Variants in RAB26 observed in about 807,000 individuals in gnomAD.
RAB26 encodes the protein RAB26, member RAS oncogene family.
Under a neutral mutation model 33.1 loss-of-function variants are expected in RAB26, and 39 were observed. That is an observed-to-expected ratio of 1.18 (90% CI 0.91 to 1.54). The LOEUF (loss-of-function observed/expected upper bound fraction) is 1.54. Ranked by LOEUF, RAB26 falls within the 40% of genes most tolerant of loss-of-function variation. RAB26 has a pLI of 0.00. For missense variants in RAB26, 468 were observed against 362.9 expected, an observed-to-expected ratio of 1.29 and a Z score of -2.35; for synonymous variants, 192 against 151.9, an observed-to-expected ratio of 1.26 and a Z score of -1.94.
chr16:2,151,750 G>A lies in RAB26; in HGVS notation c.404G>A (p.Arg135Gln), dbSNP rs537717170. The change falls in exon 4 of 9, where the codon CGG becomes CAG. Residue 135 changes from arginine to glutamine, a missense_variant. Arg to Gln is a conservative substitution (Grantham distance 43). Coordinates refer to ENST00000210187, the MANE Select transcript of RAB26 (RefSeq NM_014353.5). ...RFRSVTHAYYRDAHALLLLYD... is the reference protein window; with the variant it reads ...RFRSVTHAYYQDAHALLLLYD... Reference sequence around the variant, plus strand: ...CGCAGTGTTACCCATGCCTACTACCGGGATGCTCATGGTGAGCCCCTGGGT... The same window carrying A: ...CGCAGTGTTACCCATGCCTACTACCAGGATGCTCATGGTGAGCCCCTGGGT... 5.6e-6 allele frequency: 9 copies of A among 1,613,946 alleles called. No homozygotes were observed. Among genetic ancestry groups the A allele is most frequent in the Middle Eastern group, 1.6e-4 (1 of 6,062 alleles).
In RAB26 at chr16:2,153,136, C is replaced by T. The variant is rs777496412; in HGVS notation, c.592-10C>T. On this transcript the variant is annotated splice_polypyrimidine_tract_variant and intron_variant, in intron 7 of 8. Transcript: ENST00000210187. ...CAGGCCACCACCTGGCTGGCAGCAG[C>T]TGTTTACAGGAGTATGGACTGCCCT... is the stretch of plus-strand genomic sequence containing the variant. 5.0e-6 allele frequency: 8 copies of T among 1,613,652 alleles called. No homozygotes were observed. The Admixed American group carries it at 1.2e-4, about 24-fold the overall frequency.
rs374839930 is a variant in RAB26, at chr16:2,153,024, G to A, written c.570G>A (p.Glu190=). 1 of 1,602,228 alleles carries A rather than the reference G, an allele frequency of 6.2e-7. No homozygotes were observed. The change falls in exon 7 of 9, where the codon GAG becomes GAA. Residue 190 remains glutamate (E), a synonymous_variant. Transcript: ENST00000210187. ...CCCATGAGCGTGTGGTGAAGAGGGAGGACGGGGAGAAGCTGGCCAAGGTGA... is the reference window on the plus strand; with the variant it reads ...CCCATGAGCGTGTGGTGAAGAGGGAAGACGGGGAGAAGCTGGCCAAGGTGA... ...DSAHERVVKR[E]DGEKLAKEYG...
chr16:2,149,128 G>A, intron 1 of RAB26, 150 bp downstream of exon 1: 4 of 781,260 alleles, frequency 5.1e-6, no homozygotes, highest in African/African-American at 1.8e-5. Context: ...ACGGTGCATC[G>A]TGCACACACA....
Position 2,153,150 on chromosome 16 carries a change from A to G in RAB26, c.596A>G (p.Tyr199Cys). 1 of 1,613,798 alleles carries G rather than the reference A, an allele frequency of 6.2e-7. No individual in the cohort carries two copies. The highest frequency in any genetic ancestry group is 1.6e-4 in the Middle Eastern group (1 of 6,062). Residue 199 changes from tyrosine (Y) to cysteine (C), a missense_variant, in exon 8 of 9, where the codon TAT becomes TGT. Tyr to Cys is a radical substitution (Grantham distance 194). Coordinates refer to ENST00000210187, the MANE Select transcript of RAB26 (RefSeq NM_014353.5). ...REDGEKLAKE[Y>C]GLPFMETSAK... ...GCTGGCAGCAGCTGTTTACAGGAGT[A>G]TGGACTGCCCTTCATGGAGACCAGC... is the stretch of plus-strand genomic sequence containing the variant.
chr16:2,152,434 G>A (rs1166158008), intron 5 of RAB26, among the ~76,000 whole-genome samples: 2 of 152,040 alleles, frequency 1.3e-5, no homozygotes, highest in Non-Finnish European at 2.9e-5. Flanking sequence ...CACCTTGGGA[G>A]GCTGAGGTGG....
chr16:2,151,534 C>G (rs763519789), intron 2 of RAB26, 35 bp from the exon 3 acceptor site: 3 of 1,612,798 alleles, frequency 1.9e-6, no homozygotes, highest in Non-Finnish European at 2.5e-6. Flanking sequence ...CTGGGCTGGG[C>G]CCATGCCAGA....
Position 2,153,415 on chromosome 16 carries a change from C to CCCTTGAACCTGG in RAB26, c.767_*7dup. 6.2e-7 allele frequency: 1 copy of CCCTTGAACCTGG among 1,613,322 alleles called. No individual in the cohort carries two copies. Among genetic ancestry groups the CCCTTGAACCTGG allele is most frequent in the Non-Finnish European group, 8.5e-7 (1 of 1,179,992 alleles). ...AGGGTCGAGGGGCCTCCTGCTGCCG[C>CCCTTGAACCTGG]CCTTGAACCTGGCTGAGCTCAGTCC... On this transcript the variant is annotated stop_gained and inframe_insertion, in exon 9 of 9. Coordinates refer to ENST00000210187, the MANE Select transcript of RAB26 (RefSeq NM_014353.5). LOFTEE classifies it high-confidence loss of function.
In RAB26 at chr16:2,151,562, G is replaced by C; in HGVS notation, c.307-7G>C. On this transcript the variant is annotated splice_polypyrimidine_tract_variant and splice_region_variant and intron_variant, in intron 2 of 8. Coordinates refer to ENST00000210187, the MANE Select transcript of RAB26 (RefSeq NM_014353.5). Reference sequence around the variant, plus strand: ...ATGCCAGAGCTGCCTGGTTCTGTCTGTTTCAGAACAAAGTTCTGGACGTGG... The same window carrying C: ...ATGCCAGAGCTGCCTGGTTCTGTCTCTTTCAGAACAAAGTTCTGGACGTGG... 5 of 1,613,824 alleles carry C rather than the reference G, an allele frequency of 3.1e-6. No homozygotes were observed. The highest frequency in any genetic ancestry group is 4.2e-6 in the Non-Finnish European group (5 of 1,180,028).
At position 2,148,652 on chromosome 16, in the gene RAB26, C is replaced by CGCA. The variant is rs1567238502; in HGVS notation, c.-130_-129insAGC. 1.6e-6 allele frequency: 1 copy of CGCA among 640,460 alleles called. No individual in the cohort carries two copies. Among genetic ancestry groups the CGCA allele is most frequent in the Non-Finnish European group, 1.9e-6 (1 of 513,060 alleles). The allele number at this position is 640,460 out of a possible 1,614,324, so 39.7% of individuals were successfully genotyped here. ...GCGAGCCGGGCGCCCGGGATGATGCCGCCGCCGCCGCCGCCGCCGCCGCCG... is the reference window on the plus strand; with the variant it reads ...GCGAGCCGGGCGCCCGGGATGATGCCGCAGCCGCCGCCGCCGCCGCCGCCGCCG... On this transcript the variant is annotated 5_prime_UTR_variant, in exon 1 of 9. Coordinates refer to ENST00000210187, the MANE Select transcript of RAB26 (RefSeq NM_014353.5).
intron 2 of RAB26, among the ~76,000 whole-genome samples, chr16:2,150,621 A>AATCTGGGGAGCTGTTCTCTACCCC (rs2093001839): frequency 6.6e-6 from 1 of 151,756 alleles, no homozygotes; most frequent in Non-Finnish European, 1.5e-5. Flanking sequence ...GGCTCCCTCC[A>AATCTGGGGAGCTGTTCTCTACCCC]GTCTGGGGGT....
In RAB26 at chr16:2,149,992, T is replaced by C; in HGVS notation, c.247T>C (p.Phe83Leu). 1 of 1,544,838 alleles carries C rather than the reference T, an allele frequency of 6.5e-7. No individual in the cohort carries two copies. Among genetic ancestry groups the C allele is most frequent in the Non-Finnish European group, 8.7e-7 (1 of 1,143,822 alleles). The part of the protein sequence containing the change: ...GVGKTCLLVR[F>L]KDGAFLAGTF... Reference sequence around the variant, plus strand: ...GGGGAAGACCTGTCTGCTGGTGCGATTCAAGGATGGTGCTTTCCTGGCGGG... The same window carrying C: ...GGGGAAGACCTGTCTGCTGGTGCGACTCAAGGATGGTGCTTTCCTGGCGGG... The change falls in exon 2 of 9, where the codon TTC (phenylalanine) becomes CTC (leucine). Residue 83 changes from phenylalanine to leucine, a missense_variant. Coordinates refer to ENST00000210187, the MANE Select transcript of RAB26 (RefSeq NM_014353.5).
At chr16:2,149,096 G>T in intron 1 of RAB26, 118 bp downstream of exon 1, 1 of 1,058,906 alleles carries the variant, frequency 9.4e-7, no homozygotes, top group Non-Finnish European at 1.2e-6. Flanking sequence ...AGCCGACGCG[G>T]GAGGAACCCC....
At chr16:2,153,075 G>T (rs2093011394) in intron 7 of RAB26, 30 bp downstream of exon 7, 6 of 1,612,018 alleles carry the variant, frequency 3.7e-6, no homozygotes, top group Non-Finnish European at 5.1e-6. Context: ...TGGTGAGGGG[G>T]TGCCCCTGGA....
At chr16:2,153,098 A>AGGCTGTC (rs1010064231) in intron 7 of RAB26, 48 bp from the exon 8 acceptor site, 161 of 1,613,176 alleles carry the variant, frequency 1.0e-4, no homozygotes, top group Non-Finnish European at 1.4e-4. Flanking sequence ...CTGCGAGCCT[A>AGGCTGTC]GGCTGTCCCC....
rs761224313 is a variant in RAB26 at position 2,153,830 on chromosome 16, G to T, written c.*409G>T. ...AGGGAGGACGCCTGCCCACGCCTGG[G>T]ACAGAAGGCTTCACTGCTAATCACA... On this transcript the variant is annotated 3_prime_UTR_variant, in exon 9 of 9. Coordinates refer to ENST00000210187, the MANE Select transcript of RAB26 (RefSeq NM_014353.5). 4.3e-6 allele frequency: 2 copies of T among 463,076 alleles called. No homozygotes were observed. Among genetic ancestry groups the T allele is most frequent in the South Asian group, 3.1e-5 (2 of 64,628 alleles). The allele number at this position is 463,076 out of a possible 1,614,324, so 28.7% of individuals were successfully genotyped here.
At chr16:2,150,077 C>G in intron 2 of RAB26, 26 bp downstream of exon 2, 1 of 1,521,890 alleles carries the variant, frequency 6.6e-7, no homozygotes, top group Non-Finnish European at 8.8e-7. Flanking sequence ...GGCCTGGCCC[C>G]ACATCAGAGT....
In RAB26 at chr16:2,153,495, TCTGACTTTGTTGCCCAGTGGCC is replaced by T. The variant is rs2093014227; in HGVS notation, c.*75_*96del. 1 of 1,435,310 alleles carries T rather than the reference TCTGACTTTGTTGCCCAGTGGCC, an allele frequency of 7.0e-7. No homozygotes were observed. The highest frequency in any genetic ancestry group is 1.4e-5 in the African/African-American group (1 of 70,524). 88.9% of individuals were successfully genotyped at this position (1,435,310 alleles called of 1,614,324 possible). On this transcript the variant is annotated 3_prime_UTR_variant, in exon 9 of 9. Coordinates refer to ENST00000210187, the MANE Select transcript of RAB26 (RefSeq NM_014353.5). The stretch of plus-strand genomic sequence containing the variant: ...GCTGGACAGAGGGTCTCCAGGCCCT[TCTGACTTTGTTGCCCAGTGGCC>T]AACGCCCGAGTGTCTGTTTTCAGGA...
Position 2,151,744 on chromosome 16 carries a change from A to ACT in RAB26, c.399_400dup (p.Tyr134SerfsTer27). The ACT allele has an allele frequency of 6.2e-7, 1 of 1,613,896 alleles. No individual in the cohort carries two copies. The stretch of plus-strand genomic sequence containing the variant: ...CGGTTCCGCAGTGTTACCCATGCCT[A>ACT]CTACCGGGATGCTCATGGTGAGCCC... On this transcript the variant is annotated frameshift_variant, in exon 4 of 9. Transcript: ENST00000210187. LOFTEE classifies it high-confidence loss of function.
intron 2 of RAB26, among the ~76,000 whole-genome samples, chr16:2,150,778 G>C (rs751805859): frequency 2.6e-5 from 4 of 152,322 alleles, no homozygotes; most frequent in Admixed American, 1.3e-4. Context: ...TCGCACTCTC[G>C]TTCAGGGTGC....
Sources: allele counts gnomAD v4.1 joint callset (sites outside exome capture counted in the v4.1 genomes callset), GRCh38; gene constraint gnomAD v4.1.1; transcripts MANE v1.5; gene names NCBI Gene and HGNC (gene_info 2026-07-23, HGNC 2026-07-21).